POFUT3: variants seen among roughly 807,000 people sequenced by gnomAD.
POFUT3 encodes the protein GDP-fucose protein O-fucosyltransferase 3.
chr8:33,388,903 G>C, the POFUT3 span: 6 of 1,294,550 alleles, frequency 4.6e-6, no homozygotes, highest in South Asian at 2.4e-5. Context: ...AAATGCAGGA[G>C]AGCAGAGAAC....
chr8:33,428,950 A>C, the POFUT3 span, among the ~76,000 whole-genome samples: 2 of 152,196 alleles, frequency 1.3e-5, no homozygotes, highest in Non-Finnish European at 2.9e-5. Context: ...AGGCTAAGAC[A>C]ATATCATAAT....
chr8:33,394,936 T>C, the POFUT3 span, among the ~76,000 whole-genome samples: 4 of 152,208 alleles, frequency 2.6e-5, no homozygotes, highest in African/African-American at 7.2e-5. Context: ...GTACTTTTTT[T>C]CTAAGAGGAG....
At chr8:33,326,426 G>T in the POFUT3 span, among the ~76,000 whole-genome samples, 2 of 151,854 alleles carry the variant, frequency 1.3e-5, no homozygotes, top group Admixed American at 1.3e-4. Flanking sequence ...AAACCAAAGT[G>T]GTTTTAGTCA....
the POFUT3 span, among the ~76,000 whole-genome samples, chr8:33,429,944 C>T: frequency 6.8e-6 from 1 of 147,528 alleles, no homozygotes; most frequent in African/African-American, 2.5e-5. Flanking sequence ...TGCAGTGAGC[C>T]AAGATTGCAC....
chr8:33,348,628 G>A, the POFUT3 span, among the ~76,000 whole-genome samples: 1 of 152,296 alleles, frequency 6.6e-6, no homozygotes, highest in African/African-American at 2.4e-5. Flanking sequence ...AATAGCCTTT[G>A]GGGATATTAG....
At chr8:33,403,434 G>T in the POFUT3 span, among the ~76,000 whole-genome samples, 1 of 152,142 alleles carries the variant, frequency 6.6e-6, no homozygotes, top group Non-Finnish European at 1.5e-5. Context: ...AGAAGTTATT[G>T]GCTGGCTGTA....
chr8:33,336,691 T>C, the POFUT3 span, among the ~76,000 whole-genome samples: 1 of 152,190 alleles, frequency 6.6e-6, no homozygotes, highest in East Asian at 1.9e-4. Flanking sequence ...CAGCAAAAAA[T>C]GGCAGATGAA....
chr8:33,319,781 T>C, the POFUT3 span, among the ~76,000 whole-genome samples: 9 of 123,338 alleles, frequency 7.3e-5, no homozygotes, highest in Admixed American at 1.2e-4. Flanking sequence ...AGCCAAACAT[T>C]ATTAGTTCTG....
chr8:33,330,573 C>T, the POFUT3 span, among the ~76,000 whole-genome samples: 1 of 152,138 alleles, frequency 6.6e-6, no homozygotes, highest in Non-Finnish European at 1.5e-5. Flanking sequence ...TGCTTGTTGG[C>T]CTGATAATTT....
the POFUT3 span, among the ~76,000 whole-genome samples, chr8:33,343,958 C>T: frequency 7.2e-5 from 11 of 152,272 alleles, no homozygotes; most frequent in South Asian, 2.1e-3. Context: ...CTTGTGGGGA[C>T]CTCCAAACCC....
chr8:33,419,008 G>A, the POFUT3 span, among the ~76,000 whole-genome samples: 1 of 152,118 alleles, frequency 6.6e-6, no homozygotes, highest in Non-Finnish European at 1.5e-5. Context: ...TCACTTATAT[G>A]TGGGAACTAA....
chr8:33,448,521 C>T, the POFUT3 span, among the ~76,000 whole-genome samples: 1 of 152,106 alleles, frequency 6.6e-6, no homozygotes, highest in Non-Finnish European at 1.5e-5. Flanking sequence ...TGGTGTACTG[C>T]AATGGTACTA....
At chr8:33,338,796 C>A in the POFUT3 span, 3 of 152,146 alleles carry the variant, frequency 2.0e-5, no homozygotes, top group Admixed American at 2.0e-4. Flanking sequence ...GTACACACTT[C>A]CCCTTCTCCT....
the POFUT3 span, among the ~76,000 whole-genome samples, chr8:33,352,639 T>C: frequency 6.6e-6 from 1 of 151,982 alleles, no homozygotes; most frequent in African/African-American, 2.4e-5. Context: ...GGAGAGGAAA[T>C]AGAGACAAAT....
At chr8:33,321,400 G>A in the POFUT3 span, among the ~76,000 whole-genome samples, 13,840 of 151,960 alleles carry the variant, frequency 0.091, 1,150 homozygotes, top group African/African-American at 0.21. Flanking sequence ...CTGATGCTTC[G>A]TTGCTACCTG....
chr8:33,373,595 T>C, the POFUT3 span, among the ~76,000 whole-genome samples: 1 of 152,070 alleles, frequency 6.6e-6, no homozygotes, highest in East Asian at 1.9e-4. Context: ...TCATTCCAAG[T>C]TCAAGTCCAA....
At chr8:33,386,002 A>G in the POFUT3 span, among the ~76,000 whole-genome samples, 1 of 152,100 alleles carries the variant, frequency 6.6e-6, no homozygotes, top group Non-Finnish European at 1.5e-5. Flanking sequence ...AGCCTGGTCA[A>G]CATGGCGGAA....
chr8:33,408,949 A>G, the POFUT3 span, among the ~76,000 whole-genome samples: 1 of 152,138 alleles, frequency 6.6e-6, no homozygotes, highest in African/African-American at 2.4e-5. Context: ...CTTAACCTTT[A>G]AAGTGTTGGT....
the POFUT3 span, among the ~76,000 whole-genome samples, chr8:33,432,092 T>C: frequency 1.3e-5 from 2 of 152,000 alleles, no homozygotes; most frequent in African/African-American, 4.8e-5. Context: ...CTGAGCAACA[T>C]AGTGAGACCC....
Sources: gnomAD v4.1 joint callset for allele counts (sites outside exome capture counted in the v4.1 genomes callset) on GRCh38, gnomAD v4.1.1 for gene constraint, MANE v1.5 for transcripts, NCBI Gene and HGNC (gene_info 2026-07-23, HGNC 2026-07-21) for gene names.